MAFK: variants seen among roughly 807,000 people sequenced by gnomAD.
The protein encoded by MAFK is MAF bZIP transcription factor K, also known as transcription factor MafK.
A neutral mutation model predicts 9.2 loss-of-function variants in MAFK; 1 was observed. The observed-to-expected ratio is 0.11, with a 90% CI of 0.04 to 0.52. The LOEUF (loss-of-function observed/expected upper bound fraction) is 0.52. Ranked by LOEUF, MAFK falls within the 20% of genes least tolerant of loss-of-function variation. The pLI is 0.94. For missense variants in MAFK, 207 were observed against 236.0 expected (o/e 0.88, Z 0.81); for synonymous variants, 110 against 107.4 (o/e 1.02, Z -0.15).
chr7:1,540,672 T>C lies in MAFK; in HGVS notation c.*297T>C, dbSNP rs1477889206. 9.9e-6 allele frequency: 4 copies of C among 405,366 alleles called. No homozygotes were observed. Among genetic ancestry groups the C allele is most frequent in the African/African-American group, 4.3e-5 (2 of 47,002 alleles). 25.1% of individuals were successfully genotyped at this position (405,366 alleles called of 1,614,324 possible). On this transcript the variant is annotated 3_prime_UTR_variant, in exon 3 of 3. Coordinates refer to ENST00000343242, the MANE Select transcript of MAFK (RefSeq NM_002360.4). ...CACCCGTGGGAGTCGGGACATATAA[T>C]GGAAAGGCCCTCGGGAAGTTCCGCG...
chr7:1,537,386 C>G (rs538459823), intron 1 of MAFK: 1 of 985,374 alleles, frequency 1.0e-6, no homozygotes, highest in African/African-American at 1.7e-5. Context: ...ATGTCGTGGC[C>G]GGCCTGTGCA....
intron 1 of MAFK, among the ~76,000 whole-genome samples, chr7:1,531,323 C>G (rs138979807): frequency 0.018 from 2,723 of 151,760 alleles, 81 homozygotes; most frequent in African/African-American, 0.062. Flanking sequence ...CGTGGATTCT[C>G]CGCGGCTTCC....
At chr7:1,538,543 A>C in intron 1 of MAFK, 6 of 627,806 alleles carry the variant, frequency 9.6e-6, no homozygotes, top group Non-Finnish European at 9.9e-6. Context: ...TGGCGATGTC[A>C]GGGGCTCCCC....
At chr7:1,531,986 C>T (rs1415844540) in intron 1 of MAFK, among the ~76,000 whole-genome samples, 1 of 152,234 alleles carries the variant, frequency 6.6e-6, no homozygotes, top group South Asian at 2.1e-4. Context: ...AGGTGACCCA[C>T]AGGCAGCCAG....
rs1043270054 is a variant in MAFK, at chr7:1,540,487, A to G, written c.*112A>G. 4 of 1,120,162 alleles carry G rather than the reference A, an allele frequency of 3.6e-6. No homozygotes were observed. In the African/African-American group the frequency reaches 4.7e-5, roughly 13 times the overall value. 69.4% of individuals were successfully genotyped at this position (1,120,162 alleles called of 1,614,324 possible). A position where few individuals can be genotyped will look rare whatever the true frequency, so the allele number is the denominator to read the frequency against. ...ACTCTCGACATCCGAGTCCAAGCGC[A>G]GGCCCCTCGGGCGCAGGCAGCTCAC... is the stretch of plus-strand genomic sequence containing the variant. On this transcript the variant is annotated 3_prime_UTR_variant, in exon 3 of 3. Transcript: ENST00000343242.
At position 1,542,965 on chromosome 7, in the gene MAFK, A is replaced by AC. The variant is rs1379233982; in HGVS notation, c.*2592dup. On this transcript the variant is annotated 3_prime_UTR_variant, in exon 3 of 3. Coordinates refer to ENST00000343242, the MANE Select transcript of MAFK (RefSeq NM_002360.4). ...GCCGCCCTGCCCCGTCCCTGCGGCC[A>AC]CCACCTAATTTATTGCCGTGCGTCC... The AC allele has an allele frequency of 6.5e-6, 1 of 152,702 alleles. No homozygotes were observed. Among genetic ancestry groups the AC allele is most frequent in the African/African-American group, 2.4e-5 (1 of 41,460 alleles). 9.5% of individuals were successfully genotyped at this position (152,702 alleles called of 1,614,324 possible). A position where few individuals can be genotyped will look rare whatever the true frequency, so the allele number is the denominator to read the frequency against.
At chr7:1,535,287 G>A (rs73285474) in intron 1 of MAFK, among the ~76,000 whole-genome samples, 7,294 of 152,174 alleles carry the variant, frequency 0.048, 548 homozygotes, top group African/African-American at 0.16. Flanking sequence ...ACAGCAAGAG[G>A]TGCCAAGGCT....
chr7:1,534,721 A>G lies in MAFK; in HGVS notation c.-45+3823A>G. ...ATCATTCACCCCTTGGGCAAGAACAAGTGACCCATCCAGAGCCCCCATGCT... is the reference window on the plus strand; with the variant it reads ...ATCATTCACCCCTTGGGCAAGAACAGGTGACCCATCCAGAGCCCCCATGCT... On this transcript the variant is annotated intron_variant, in intron 1 of 2. Transcript: ENST00000343242. This position sits in a 1 kb window ranked among gnomAD's most constrained non-coding sequence, Gnocchi z 4.3. The G allele has an allele frequency of 2.2e-6, 1 of 445,864 alleles. No homozygotes were observed. Among genetic ancestry groups the G allele is most frequent in the South Asian group, 1.6e-5 (1 of 64,068 alleles). The allele number at this position is 445,864 out of a possible 1,614,324, so 27.6% of individuals were successfully genotyped here. A position where few individuals can be genotyped will look rare whatever the true frequency, so the allele number is the denominator to read the frequency against.
rs183229226 is a variant in MAFK, at chr7:1,541,537, G to T, written c.*1162G>T. 301 of 152,938 alleles carry T rather than the reference G, an allele frequency of 2.0e-3. No homozygotes were observed. Among genetic ancestry groups the T allele is most frequent in the African/African-American group, 6.7e-3 (280 of 41,514 alleles). The allele number at this position is 152,938 out of a possible 1,614,324, so 9.5% of individuals were successfully genotyped here. A position where few individuals can be genotyped will look rare whatever the true frequency, so the allele number is the denominator to read the frequency against. ...GAGGGGCAGGACCAGGATGCAGCTG[G>T]CTTGTAGAAGAGCTCAGGAGTGAGC... is the stretch of plus-strand genomic sequence containing the variant. On this transcript the variant is annotated 3_prime_UTR_variant, in exon 3 of 3. Transcript: ENST00000343242.
intron 1 of MAFK, chr7:1,538,462 G>T: frequency 1.0e-6 from 1 of 959,486 alleles, no homozygotes; most frequent in Non-Finnish European, 1.2e-6. Context: ...GCCGTGGTAG[G>T]TGTCCCGTGG....
chr7:1,534,342 G>A lies in MAFK; in HGVS notation c.-45+3444G>A, dbSNP rs892312850. On this transcript the variant is annotated intron_variant, in intron 1 of 2. Coordinates refer to ENST00000343242, the MANE Select transcript of MAFK (RefSeq NM_002360.4). The surrounding 1 kb of genome is among the most constrained non-coding windows in gnomAD (Gnocchi z 4.3). Reference sequence around the variant, plus strand: ...ACCCACTGGGTACCAGTGCCACAGCGGCCCCACCTACCCTTGCGGCCCAGT... The same window carrying A: ...ACCCACTGGGTACCAGTGCCACAGCAGCCCCACCTACCCTTGCGGCCCAGT... 4.0e-5 allele frequency: 18 copies of A among 454,042 alleles called. No homozygotes were observed. The highest frequency in any genetic ancestry group is 6.2e-5 in the Non-Finnish European group (14 of 225,330). 28.1% of individuals were successfully genotyped at this position (454,042 alleles called of 1,614,324 possible). A position where few individuals can be genotyped will look rare whatever the true frequency, so the allele number is the denominator to read the frequency against.
chr7:1,539,312 CG>C, intron 2 of MAFK, 84 bp downstream of exon 2: 1 of 1,172,678 alleles, frequency 8.5e-7, no homozygotes, highest in Non-Finnish European at 1.2e-6. Context: ...ATCCCAGGGC[CG>C]TCCTGAGCCT....
Position 1,540,416 on chromosome 7 carries a change from G to GGC in MAFK, c.*41_*42insGC. 1 of 402,794 alleles carries GGC rather than the reference G, an allele frequency of 2.5e-6. No individual in the cohort carries two copies. The highest frequency in any genetic ancestry group is 4.7e-6 in the Non-Finnish European group (1 of 212,016). 25.0% of individuals were successfully genotyped at this position (402,794 alleles called of 1,614,324 possible). On this transcript the variant is annotated 3_prime_UTR_variant, in exon 3 of 3. Transcript: ENST00000343242. The stretch of plus-strand genomic sequence containing the variant: ...GGGGGTGGCGGGCGGCGGGCGGCGG[G>GGC]CAGGCGGGTGGGGGCACACCCCTCG...
chr7:1,536,952 G>A (rs372683410), intron 1 of MAFK, among the ~76,000 whole-genome samples: 3 of 152,214 alleles, frequency 2.0e-5, no homozygotes, highest in African/African-American at 4.8e-5. Context: ...CCCTGCGTCC[G>A]CCAGGTCCTC....
chr7:1,540,485 G>T lies in MAFK; in HGVS notation c.*110G>T, dbSNP rs979746472. On this transcript the variant is annotated 3_prime_UTR_variant, in exon 3 of 3. Transcript: ENST00000343242. ...AGACTCTCGACATCCGAGTCCAAGC[G>T]CAGGCCCCTCGGGCGCAGGCAGCTC... is the stretch of plus-strand genomic sequence containing the variant. 3.5e-6 allele frequency: 4 copies of T among 1,134,596 alleles called. No homozygotes were observed. The highest frequency in any genetic ancestry group is 2.9e-5 in the Admixed American group (1 of 34,270). The allele number at this position is 1,134,596 out of a possible 1,614,324, so 70.3% of individuals were successfully genotyped here.
At position 1,534,282 on chromosome 7, in the gene MAFK, G is replaced by T. The variant is rs1026277187; in HGVS notation, c.-45+3384G>T. 3 of 455,714 alleles carry T rather than the reference G, an allele frequency of 6.6e-6. No individual in the cohort carries two copies. Among genetic ancestry groups the T allele is most frequent in the East Asian group, 1.4e-4 (2 of 14,390 alleles). 28.2% of individuals were successfully genotyped at this position (455,714 alleles called of 1,614,324 possible). A position where few individuals can be genotyped will look rare whatever the true frequency, so the allele number is the denominator to read the frequency against. On this transcript the variant is annotated intron_variant, in intron 1 of 2. Transcript: ENST00000343242. This position sits in a 1 kb window ranked among gnomAD's most constrained non-coding sequence, Gnocchi z 4.3. The stretch of plus-strand genomic sequence containing the variant: ...CTGGCTGGTCTCTGGGACCAGCTGG[G>T]CTGCAATTAGTCGGTTGACACCTGT...
In MAFK at chr7:1,537,665, G is replaced by A. The variant is rs918107451; in HGVS notation, c.-44-1484G>A. The A allele has an allele frequency of 2.4e-5, 24 of 985,538 alleles. No individual in the cohort carries two copies. In the African/African-American group the frequency reaches 2.6e-4, roughly 11 times the overall value. 61.0% of individuals were successfully genotyped at this position (985,538 alleles called of 1,614,324 possible). On this transcript the variant is annotated intron_variant, in intron 1 of 2. Coordinates refer to ENST00000343242, the MANE Select transcript of MAFK (RefSeq NM_002360.4). ...ATCAGCTGGCCTTGGCAGGGGCAGCGGACTCGGCAGCCTGGCGCAGGACCC... is the reference window on the plus strand; with the variant it reads ...ATCAGCTGGCCTTGGCAGGGGCAGCAGACTCGGCAGCCTGGCGCAGGACCC...
At chr7:1,535,798 C>T (rs1333342932) in intron 1 of MAFK, among the ~76,000 whole-genome samples, 1 of 152,246 alleles carries the variant, frequency 6.6e-6, no homozygotes, top group African/African-American at 2.4e-5. Flanking sequence ...TCCTCACCCT[C>T]TGCAAGGTGC....
rs778710471 is a variant in MAFK, at chr7:1,539,213, G to A, written c.21G>A (p.Pro7=). 17 of 1,611,658 alleles carry A rather than the reference G, an allele frequency of 1.1e-5. No individual in the cohort carries two copies. Among genetic ancestry groups the A allele is most frequent in the South Asian group, 5.5e-5 (5 of 90,820 alleles). Residue 7 remains proline (P), a synonymous_variant, in exon 2 of 3, where the codon CCG becomes CCA. Coordinates refer to ENST00000343242, the MANE Select transcript of MAFK (RefSeq NM_002360.4). ...GGGTTATGACGACTAATCCCAAACC[G>A]AATAAGGCATTAAAGGTAAGGCTGG... MTTNPK[P]NKALKVKKEA...
Sources: allele counts gnomAD v4.1 joint callset (sites outside exome capture counted in the v4.1 genomes callset), GRCh38; gene constraint gnomAD v4.1.1; non-coding constraint Gnocchi (gnomAD v3.1); transcripts MANE v1.5; gene names NCBI Gene and HGNC (gene_info 2026-07-23, HGNC 2026-07-21).